Variants in MYH10 observed in about 807,000 individuals in gnomAD.
MYH10 encodes myosin-10.
Under a neutral mutation model 257.8 loss-of-function variants are expected in MYH10, and 55 were observed. That is an observed-to-expected ratio of 0.21 (90% CI 0.17 to 0.27). The LOEUF (loss-of-function observed/expected upper bound fraction) is 0.27, where lower values mean the gene tolerates loss of function less well. Among genes scored for constraint, MYH10 ranks in the 10% least tolerant of loss-of-function variants. MYH10 has a pLI of 1.00. For missense variants in MYH10, 1,631 were observed against 2,500.6 expected, an observed-to-expected ratio of 0.65 and a Z score of 7.42; for synonymous variants, 854 against 921.7, an observed-to-expected ratio of 0.93 and a Z score of 1.33.
Position 8,545,618 on chromosome 17 carries a change from C to T in MYH10, c.1279-18G>A. On this transcript the variant is annotated intron_variant, in intron 12 of 42. Coordinates refer to ENST00000360416, the MANE Select transcript of MYH10 (RefSeq NM_001256012.3). This position sits in a 1 kb window ranked among gnomAD's most constrained non-coding sequence, Gnocchi z 4.7. ...AAATCTGCCTGTAATTAAATCACAA[C>T]AACCTTTTATTCTGGAAACAATCTC... The T allele has an allele frequency of 6.2e-7, 1 of 1,605,888 alleles. No individual in the cohort carries two copies. Among genetic ancestry groups the T allele is most frequent in the Non-Finnish European group, 8.5e-7 (1 of 1,177,274 alleles).
At position 8,569,729 on chromosome 17, in the gene MYH10, T is replaced by C; in HGVS notation, c.747A>G (p.Ser249=). 6.2e-7 allele frequency: 1 copy of C among 1,606,802 alleles called. No homozygotes were observed. The highest frequency in any genetic ancestry group is 8.5e-7 in the Non-Finnish European group (1 of 1,176,070). Residue 249 remains serine, a synonymous_variant, in exon 7 of 43, where the codon TCA becomes TCG. Coordinates refer to ENST00000360416, the MANE Select transcript of MYH10 (RefSeq NM_001256012.3). This position sits in a 1 kb window ranked among gnomAD's most constrained non-coding sequence, Gnocchi z 4.1. The part of the protein sequence containing the change: ...GNAKTVKNDN[S]SRFGKFIRIN... ...GTGCTTTGAAACTTACAAAACGAGA[T>C]GAGTTATCATTTTTCACAGTCTTCG...
intron 4 of MYH10, 25 bp from the exon 5 acceptor site, chr17:8,577,363 T>G (rs1174202508): frequency 6.5e-7 from 1 of 1,543,112 alleles, no homozygotes; most frequent in South Asian, 1.2e-5. Flanking sequence ...TAATATAGGC[T>G]GCTTTAACGA....
intron 17 of MYH10, among the ~76,000 whole-genome samples, chr17:8,528,670 C>T (rs996440570): frequency 3.9e-5 from 6 of 152,130 alleles, no homozygotes; most frequent in Admixed American, 6.6e-5. Flanking sequence ...TATGTCAGCA[C>T]GTCACAGGCA....
At chr17:8,513,715 T>C (rs769328580) in intron 22 of MYH10, 46 bp from the exon 23 acceptor site, 14 of 1,609,756 alleles carry the variant, frequency 8.7e-6, no homozygotes, top group Middle Eastern at 3.3e-4. Flanking sequence ...ATTCCAGCTC[T>C]TTCCTATGGG....
intron 42 of MYH10, among the ~76,000 whole-genome samples, chr17:8,476,422 G>A (rs1028377036): frequency 5.9e-5 from 9 of 152,194 alleles, no homozygotes; most frequent in African/African-American, 1.9e-4. Flanking sequence ...AACCTCCGCC[G>A]ACCTGGTCTT....
chr17:8,475,787 T>A lies in MYH10; in HGVS notation c.*17A>T. 1 of 1,612,972 alleles carries A rather than the reference T, an allele frequency of 6.2e-7. No individual in the cohort carries two copies. Among genetic ancestry groups the A allele is most frequent in the Non-Finnish European group, 8.5e-7 (1 of 1,179,262 alleles). ...CTAACTGTCCCACTGTATTGCCTCC[T>A]CTGGCTTCCTGCAACTTTACTCTGA... On this transcript the variant is annotated 3_prime_UTR_variant, in exon 43 of 43. Coordinates refer to ENST00000360416, the MANE Select transcript of MYH10 (RefSeq NM_001256012.3).
chr17:8,509,721 T>C (rs932329450), intron 25 of MYH10, 91 bp downstream of exon 25: 2 of 1,240,076 alleles, frequency 1.6e-6, no homozygotes, highest in African/African-American at 3.2e-5. Context: ...GAAATTTCTG[T>C]TTGAGTTCAC....
chr17:8,520,618 T>C (rs2081622262), intron 19 of MYH10, among the ~76,000 whole-genome samples: 1 of 152,242 alleles, frequency 6.6e-6, no homozygotes, highest in Non-Finnish European at 1.5e-5. Flanking sequence ...TTCAGGGCCC[T>C]GAAAACATGG....
Position 8,535,441 on chromosome 17 carries a change from C to A in MYH10, c.1840G>T (p.Ala614Ser), listed in dbSNP as rs2082116022. 1 of 1,614,080 alleles carries A rather than the reference C, an allele frequency of 6.2e-7. No individual in the cohort carries two copies. Among genetic ancestry groups the A allele is most frequent in the African/African-American group, 1.3e-5 (1 of 75,028 alleles). Residue 614 changes from alanine (A) to serine (S), a missense_variant, in exon 16 of 43, where the codon GCC (alanine) becomes TCC (serine). Ala to Ser is a moderately conservative substitution (Grantham distance 99). This residue lies in a region of MYH10 where 96 missense variants were observed against 146.2 expected (regional missense o/e 0.66). Transcript: ENST00000360416. This position sits in a 1 kb window ranked among gnomAD's most constrained non-coding sequence, Gnocchi z 4.3. ...TCTGATGACTGGTGCAAAAGGGTGG[C>A]CACGTTGTCATTCAGGGGGTCCATA... is the stretch of plus-strand genomic sequence containing the variant. The part of the protein sequence containing the change: ...KNMDPLNDNV[A>S]TLLHQSSDRF...
In MYH10 at chr17:8,609,382, C is replaced by T. The variant is rs184166650; in HGVS notation, c.346-4400G>A. 1.3e-3 allele frequency among the ~76,000 whole-genome samples: 193 copies of T among 150,756 alleles called. 1 individual carries two copies. The highest frequency in any genetic ancestry group is 2.0e-3 in the Admixed American group (30 of 15,150). On this transcript the variant is annotated intron_variant, in intron 2 of 42. Transcript: ENST00000360416. ...AGGGAGGAAGGAAAGAATAATTCAC[C>T]CATACCACCTGCAAACACTGCACCT... is the stretch of plus-strand genomic sequence containing the variant.
At chr17:8,561,047 C>A in intron 7 of MYH10, 1 of 576,264 alleles carries the variant, frequency 1.7e-6, no homozygotes, top group East Asian at 3.0e-5. Context: ...CACTTGCTCA[C>A]AATATCCTGT....
chr17:8,610,945 A>T (rs4128516), intron 2 of MYH10, among the ~76,000 whole-genome samples: 144,886 of 152,342 alleles, frequency 0.95, 68,951 homozygotes, highest in East Asian at 1. Context: ...TTATGAGACA[A>T]AAGGAAAATA....
At chr17:8,554,072 T>C in intron 7 of MYH10, 54 bp from the exon 8 acceptor site, 1 of 1,210,892 alleles carries the variant, frequency 8.3e-7, no homozygotes, top group South Asian at 1.2e-5. Context: ...ATACTGGATA[T>C]GAACACTAAT....
At chr17:8,587,919 G>C (rs566634738) in intron 4 of MYH10, among the ~76,000 whole-genome samples, 1 of 151,596 alleles carries the variant, frequency 6.6e-6, no homozygotes, top group Admixed American at 6.6e-5. Context: ...CTACCTCTTC[G>C]CTATCCCCAG....
chr17:8,478,502 A>G, intron 40 of MYH10, 56 bp from the exon 41 acceptor site: 1 of 1,543,506 alleles, frequency 6.5e-7, no homozygotes, highest in Non-Finnish European at 9.0e-7. Flanking sequence ...TTGTGTGGGA[A>G]AAAATATTTT....
At chr17:8,519,233 A>G (rs968339974) in intron 19 of MYH10, among the ~76,000 whole-genome samples, 1 of 152,156 alleles carries the variant, frequency 6.6e-6, no homozygotes, top group Non-Finnish European at 1.5e-5. Context: ...GAAACCTTTC[A>G]TTTTTCTTCA....
At chr17:8,502,715 A>G (rs556071722) in intron 28 of MYH10, among the ~76,000 whole-genome samples, 2 of 152,332 alleles carry the variant, frequency 1.3e-5, no homozygotes, top group African/African-American at 4.8e-5. Context: ...AAGGGTCCTT[A>G]GCAAGAATGG....
At chr17:8,522,490 G>A (rs2081688993) in intron 17 of MYH10, among the ~76,000 whole-genome samples, 1 of 152,196 alleles carries the variant, frequency 6.6e-6, no homozygotes, top group African/African-American at 2.4e-5. Context: ...AGATTCAAGG[G>A]TGTGGGTCAG....
chr17:8,548,582 T>C (rs2082518025), intron 10 of MYH10, 62 bp downstream of exon 10: 8 of 1,559,176 alleles, frequency 5.1e-6, no homozygotes, highest in African/African-American at 1.4e-5. Context: ...TTTAGGTGAT[T>C]TACCCCAGAT....
Sources: gnomAD v4.1 joint callset for allele counts (sites outside exome capture counted in the v4.1 genomes callset) on GRCh38, gnomAD v4.1.1 for gene constraint, gnomAD v4.1.1 regional missense constraint, Gnocchi (gnomAD v3.1) non-coding constraint, MANE v1.5 for transcripts, NCBI Gene and HGNC (gene_info 2026-07-23, HGNC 2026-07-21) for gene names.